NYAP2: variants seen among roughly 807,000 people sequenced by gnomAD.
NYAP2 encodes neuronal tyrosine-phosphorylated phosphoinositide-3-kinase adapter 2.
NYAP2 carries 23 observed loss-of-function variants against 50.4 expected under a neutral mutation model. The observed-to-expected ratio is 0.46, with a 90% CI of 0.33 to 0.65. NYAP2 has a LOEUF of 0.65. Ranked by LOEUF, NYAP2 falls within the 30% of genes least tolerant of loss-of-function variation. The probability of loss-of-function intolerance (pLI) is 0.02; values close to 1 mark genes in which losing one functional copy is unlikely to be tolerated. For synonymous variants in NYAP2, 394 were observed against 365.2 expected (o/e 1.08, Z -0.90); for missense variants, 885 against 861.0 (o/e 1.03, Z -0.35).
At chr2:225,654,554 C>A (rs186377485), downstream of NYAP2, among the ~76,000 whole-genome samples, 5 of 151,770 alleles carry the variant, frequency 3.3e-5, no homozygotes, top group Non-Finnish European at 5.9e-5. Context: ...CGTGGTGGCA[C>A]ACACCTGTAA....
chr2:225,624,312 G>C (rs761960753), intron 5 of NYAP2, among the ~76,000 whole-genome samples: 1 of 152,166 alleles, frequency 6.6e-6, no homozygotes, highest in African/African-American at 2.4e-5. Flanking sequence ...CTTGATTGGG[G>C]ACTATTAACT....
intron 5 of NYAP2, among the ~76,000 whole-genome samples, chr2:225,622,520 TC>T (rs1559232826): frequency 2.5e-5 from 1 of 40,646 alleles, no homozygotes; most frequent in Non-Finnish European, 5.6e-5. Context: ...CTTTCTTTCT[TC>T]TTTCTTTCTT....
At chr2:225,639,285 G>A (rs528733094) in intron 6 of NYAP2, among the ~76,000 whole-genome samples, 20 of 152,248 alleles carry the variant, frequency 1.3e-4, no homozygotes, top group African/African-American at 4.6e-4. Context: ...TAAGGTTATT[G>A]CAGATTATAT....
At chr2:225,665,531 A>G in the NYAP2 span, among the ~76,000 whole-genome samples, 2 of 151,560 alleles carry the variant, frequency 1.3e-5, no homozygotes, top group Admixed American at 6.6e-5. Flanking sequence ...AAGATTTGCT[A>G]AATCTGCCAG....
At chr2:225,434,803 C>A (rs777750040) in intron 3 of NYAP2, among the ~76,000 whole-genome samples, 2 of 152,136 alleles carry the variant, frequency 1.3e-5, no homozygotes, top group African/African-American at 2.4e-5. Context: ...TATATATACA[C>A]GTGTGTGTGT....
the NYAP2 span, among the ~76,000 whole-genome samples, chr2:225,683,010 T>C: frequency 8.6e-5 from 13 of 151,068 alleles, no homozygotes; most frequent in East Asian, 3.9e-4. Flanking sequence ...AATAGTCATT[T>C]CCCCCCCCCA....
exon 7 of NYAP2, chr2:225,652,080 G>A (rs1470312245): frequency 6.5e-6 from 1 of 152,982 alleles, no homozygotes; most frequent in African/African-American, 2.4e-5. Flanking sequence ...CTTGGAGCAT[G>A]ACTGTAAGAC....
chr2:225,502,330 G>A (rs1279890065), intron 3 of NYAP2, among the ~76,000 whole-genome samples: 2 of 152,192 alleles, frequency 1.3e-5, no homozygotes, highest in Non-Finnish European at 2.9e-5. Flanking sequence ...TAGTGTATGA[G>A]TAGTCACAGA....
chr2:225,686,171 T>C, the NYAP2 span, among the ~76,000 whole-genome samples: 1 of 152,136 alleles, frequency 6.6e-6, no homozygotes, highest in Admixed American at 6.6e-5. Flanking sequence ...ATGTGCTAAA[T>C]CATATACATT....
intron 3 of NYAP2, among the ~76,000 whole-genome samples, chr2:225,446,242 C>CTATA (rs1689557498): frequency 4.5e-5 from 5 of 110,290 alleles, no homozygotes; most frequent in African/African-American, 1.7e-4. Context: ...CTCTCTCTCT[C>CTATA]TCTCTATATA....
At chr2:225,450,114 A>G (rs1689627055) in intron 3 of NYAP2, among the ~76,000 whole-genome samples, 1 of 152,206 alleles carries the variant, frequency 6.6e-6, no homozygotes, top group Non-Finnish European at 1.5e-5. Flanking sequence ...CAGATGCCAT[A>G]GACACTAGAA....
At chr2:225,498,967 A>G (rs529789520) in intron 3 of NYAP2, among the ~76,000 whole-genome samples, 2 of 152,314 alleles carry the variant, frequency 1.3e-5, no homozygotes, top group African/African-American at 4.8e-5. Context: ...GATGTCTCAG[A>G]ATGCAGGTAA....
At chr2:225,591,327 G>T (rs1018914320) in intron 5 of NYAP2, among the ~76,000 whole-genome samples, 4 of 152,120 alleles carry the variant, frequency 2.6e-5, no homozygotes, top group Non-Finnish European at 4.4e-5. Flanking sequence ...AGGAGCTGAG[G>T]AATTGGGGCT....
intron 5 of NYAP2, among the ~76,000 whole-genome samples, chr2:225,588,909 G>GAT (rs1692439497): frequency 6.6e-6 from 1 of 152,014 alleles, no homozygotes; most frequent in Admixed American, 6.5e-5. Context: ...GTCTATTTGA[G>GAT]ATTGTAGACC....
chr2:225,494,861 T>C (rs1276755880), intron 3 of NYAP2, among the ~76,000 whole-genome samples: 2 of 152,248 alleles, frequency 1.3e-5, no homozygotes, highest in Admixed American at 6.5e-5. Context: ...TGGGAAGATA[T>C]GTTTGGATTT....
At chr2:225,464,000 G>C (rs553465625) in intron 3 of NYAP2, among the ~76,000 whole-genome samples, 62 of 152,296 alleles carry the variant, frequency 4.1e-4, no homozygotes, top group African/African-American at 1.4e-3. Context: ...TTTAAATGCT[G>C]TCTCAGATGG....
chr2:225,551,624 C>T (rs1303874478), intron 4 of NYAP2, among the ~76,000 whole-genome samples: 1 of 151,934 alleles, frequency 6.6e-6, no homozygotes. Flanking sequence ...CTCTTTTGTT[C>T]TTTTTTTAAG....
chr2:225,626,791 A>G, intron 5 of NYAP2, 126 bp from the exon 6 acceptor site: 1 of 691,534 alleles, frequency 1.4e-6, no homozygotes, highest in South Asian at 1.9e-5. Context: ...TAAATGTTGT[A>G]GTCTCCAAGT....
intron 4 of NYAP2, among the ~76,000 whole-genome samples, chr2:225,550,303 C>CTTT (rs3050141): frequency 4.6e-4 from 70 of 151,350 alleles, no homozygotes; most frequent in African/African-American, 1.5e-3. Flanking sequence ...TATAACCATT[C>CTTT]TTTTTTTTTC....
Sources: allele counts gnomAD v4.1 joint callset (sites outside exome capture counted in the v4.1 genomes callset), GRCh38; gene constraint gnomAD v4.1.1; transcripts MANE v1.5; gene names NCBI Gene and HGNC (gene_info 2026-07-23, HGNC 2026-07-21).